The following PRKDC variants were observed in gnomAD, a reference collection of about 807,000 sequenced individuals.
PRKDC encodes protein kinase, DNA-activated, catalytic subunit.
A neutral mutation model predicts 486.9 loss-of-function variants in PRKDC; 82 were observed. The observed-to-expected ratio is 0.17, with a 90% CI of 0.14 to 0.20. The LOEUF is 0.20. Ranked by LOEUF, PRKDC falls within the 10% of genes least tolerant of loss-of-function variation. The pLI is 1.00. For missense variants in PRKDC, 4,504 were observed against 5,038.2 expected (o/e 0.89, Z 3.21); for synonymous variants, 1,895 against 1,837.0 (o/e 1.03, Z -0.81).
In PRKDC at chr8:47,904,979, G is replaced by A. The variant is rs1280900667; in HGVS notation, c.2935-3C>T. On this transcript the variant is annotated splice_region_variant and splice_polypyrimidine_tract_variant and intron_variant, in intron 25 of 85. Transcript: ENST00000314191. ...GGCTCATACAGTTGCCTTGTCACCTGAAGAAACAATACCATTAAAGTTAAT... is the reference window on the plus strand; with the variant it reads ...GGCTCATACAGTTGCCTTGTCACCTAAAGAAACAATACCATTAAAGTTAAT... The A allele has an allele frequency of 1.8e-5, 29 of 1,597,918 alleles. No homozygotes were observed. The highest frequency in any genetic ancestry group is 8.6e-6 in the Non-Finnish European group (10 of 1,166,280).
At position 47,862,536 on chromosome 8, in the gene PRKDC, C is replaced by G; in HGVS notation, c.5756G>C (p.Cys1919Ser). ...CATGTTCTCTGTAAATGCATCGTAG[C>G]ACAATCTGCAGAGAGATCCATGTGA... ...NELTKTLIKL[C>S]YDAFTENMAG... The change falls in exon 43 of 86, where the codon TGC (cysteine) becomes TCC (serine). Residue 1919 changes from cysteine (C) to serine (S), a missense_variant. Coordinates refer to ENST00000314191, the MANE Select transcript of PRKDC (RefSeq NM_006904.7). 1.2e-6 allele frequency: 2 copies of G among 1,604,946 alleles called. No individual in the cohort carries two copies. Among genetic ancestry groups the G allele is most frequent in the Non-Finnish European group, 1.7e-6 (2 of 1,174,488 alleles).
intron 68 of PRKDC, among the ~76,000 whole-genome samples, chr8:47,812,748 CAATT>C (rs1311741714): frequency 2.2e-4 from 33 of 152,002 alleles, no homozygotes; most frequent in Non-Finnish European, 3.7e-4. Context: ...TACTAGAAAT[CAATT>C]AAATAGAAAA....
intron 10 of PRKDC, 129 bp from the exon 11 acceptor site, chr8:47,939,826 C>T: frequency 1.3e-6 from 1 of 793,434 alleles, no homozygotes; most frequent in Non-Finnish European, 1.8e-6. Flanking sequence ...TGCTTTTAAT[C>T]ATAAAGACCC....
Position 47,831,161 on chromosome 8 carries a change from C to T in PRKDC, c.8266-425G>A, listed in dbSNP as rs8178187. On this transcript the variant is annotated intron_variant, in intron 60 of 85. Coordinates refer to ENST00000314191, the MANE Select transcript of PRKDC (RefSeq NM_006904.7). ...TCCCCTCCGAGGGGGCAAAACAGTG[C>T]CCCGGGGGCGCAGCCCGGGAGGCCT... 2.8e-3 allele frequency among the ~76,000 whole-genome samples: 422 copies of T among 152,252 alleles called. 2 individuals carry two copies. The highest frequency in any genetic ancestry group is 4.7e-3 in the Non-Finnish European group (320 of 68,020).
chr8:47,858,305 T>C (rs908729170), intron 48 of PRKDC, among the ~76,000 whole-genome samples: 1 of 152,130 alleles, frequency 6.6e-6, no homozygotes, highest in African/African-American at 2.4e-5. Context: ...TTTACATATG[T>C]TAAAAACGAT....
Position 47,821,769 on chromosome 8 carries a change from T to C in PRKDC, c.8946A>G (p.Val2982=), listed in dbSNP as rs1192222588. Residue 2982 remains valine, a synonymous_variant, in exon 65 of 86, where the codon GTA becomes GTG. Transcript: ENST00000314191. The part of the protein sequence containing the change: ...YDEALNKQDW[V]DGEPTEAEKD... ...TCTCGGCTTCTGTGGGCTCACCATC[T>C]ACCCAGTCTTGTTTATTGAGAGCCT... The C allele has an allele frequency of 6.4e-7, 1 of 1,573,116 alleles. No individual in the cohort carries two copies. Among genetic ancestry groups the C allele is most frequent in the Non-Finnish European group, 8.6e-7 (1 of 1,165,162 alleles).
intron 51 of PRKDC, among the ~76,000 whole-genome samples, chr8:47,853,317 G>A (rs867691700): frequency 1.3e-5 from 2 of 152,246 alleles, no homozygotes; most frequent in South Asian, 2.1e-4. Context: ...CTGCCGCGAA[G>A]CTGGCTGCCT....
chr8:47,896,564 G>A (rs991674331), intron 30 of PRKDC, among the ~76,000 whole-genome samples: 11 of 150,812 alleles, frequency 7.3e-5, no homozygotes, highest in African/African-American at 1.7e-4. Context: ...AGAGAACGGC[G>A]TGAACCCAGG....
intron 42 of PRKDC, among the ~76,000 whole-genome samples, chr8:47,862,915 C>G (rs907857355): frequency 6.6e-6 from 1 of 152,150 alleles, no homozygotes; most frequent in Non-Finnish European, 1.5e-5. Context: ...TTTGGTGATG[C>G]AAAATGTGAT....
intron 76 of PRKDC, among the ~76,000 whole-genome samples, chr8:47,787,747 G>A (rs1057001362): frequency 1.3e-5 from 2 of 152,154 alleles, no homozygotes; most frequent in African/African-American, 2.4e-5. Flanking sequence ...CCGACACAAC[G>A]TGCACACTGG....
At chr8:47,913,344 C>T (rs1048228261) in intron 24 of PRKDC, among the ~76,000 whole-genome samples, 21 of 152,092 alleles carry the variant, frequency 1.4e-4, no homozygotes, top group Admixed American at 6.6e-5. Context: ...CTCAAATGCC[C>T]TTTATGTTCC....
rs1413620528 is a variant in PRKDC at position 47,887,672 on chromosome 8, G to C, written c.4447C>G (p.Leu1483Val). The C allele has an allele frequency of 6.2e-7, 1 of 1,610,436 alleles. No individual in the cohort carries two copies. The highest frequency in any genetic ancestry group is 8.5e-7 in the Non-Finnish European group (1 of 1,178,450). The part of the protein sequence containing the change: ...TDLHHSVGTE[L>V]LSLVYKGIAP... ...ATGCCTTTATAAACCAGGGAAAGAAGTTCTGTGCCAACAGAATGATGCAAA... is the reference window on the plus strand; with the variant it reads ...ATGCCTTTATAAACCAGGGAAAGAACTTCTGTGCCAACAGAATGATGCAAA... The change falls in exon 35 of 86, where the codon CTT becomes GTT. Residue 1483 changes from leucine to valine, a missense_variant. This residue lies in a region of PRKDC where 1,969 missense variants were observed against 2,068.9 expected (regional missense o/e 0.95). Coordinates refer to ENST00000314191, the MANE Select transcript of PRKDC (RefSeq NM_006904.7).
In PRKDC at chr8:47,800,928, G is replaced by T. The variant is rs559743703; in HGVS notation, c.9981C>A (p.Asn3327Lys). 1.9e-6 allele frequency: 3 copies of T among 1,613,984 alleles called. No individual in the cohort carries two copies. The highest frequency in any genetic ancestry group is 2.5e-6 in the Non-Finnish European group (3 of 1,179,890). ...SKNILAFRDQNILLGTTYRII... is the reference protein window; with the variant it reads ...SKNILAFRDQKILLGTTYRII... ...TCCTGTAAGTTGTACCCAAGAGAAT[G>T]TTCTGGTCACGGAAAGCCAGAATAT... is the stretch of plus-strand genomic sequence containing the variant. Residue 3327 changes from asparagine to lysine, a missense_variant, in exon 71 of 86, where the codon AAC becomes AAA. Physicochemically the swap from Asn to Lys is moderately conservative, Grantham distance 94. This residue lies in a region of PRKDC where 1,592 missense variants were observed against 1,724.6 expected (regional missense o/e 0.92). Coordinates refer to ENST00000314191, the MANE Select transcript of PRKDC (RefSeq NM_006904.7).
At position 47,957,425 on chromosome 8, in the gene PRKDC, T is replaced by C; in HGVS notation, c.161A>G (p.Gln54Arg). 3 of 1,577,460 alleles carry C rather than the reference T, an allele frequency of 1.9e-6. No individual in the cohort carries two copies. Among genetic ancestry groups the C allele is most frequent in the Non-Finnish European group, 2.6e-6 (3 of 1,160,426 alleles). Residue 54 changes from glutamine (Q) to arginine (R), a missense_variant, in exon 2 of 86, where the codon CAG becomes CGG. Transcript: ENST00000314191. Reference protein sequence around the residue: ...LSSSPAVLALQTSLVFSRDFG... With the variant: ...LSSSPAVLALRTSLVFSRDFG... ...ATCTCTGGAAAAAACTAAAGATGTC[T>C]GTAATGCTGTTCAAAAAAATAAGTA...
chr8:47,891,769 G>A (rs574403777), intron 31 of PRKDC, among the ~76,000 whole-genome samples: 109 of 152,248 alleles, frequency 7.2e-4, no homozygotes, highest in African/African-American at 2.6e-3. Flanking sequence ...GAATCCAATA[G>A]AATATTGGAT....
chr8:47,848,653 G>GAAAAAAAAAA (rs200253108), intron 54 of PRKDC, among the ~76,000 whole-genome samples: 1 of 109,170 alleles, frequency 9.2e-6, no homozygotes. Flanking sequence ...TGAAAAAAAT[G>GAAAAAAAAAA]AAAAAAAAAA....
intron 41 of PRKDC, 74 bp downstream of exon 41, chr8:47,864,482 G>C: frequency 7.5e-7 from 1 of 1,328,770 alleles, no homozygotes; most frequent in South Asian, 1.4e-5. Context: ...ATGTGACTGA[G>C]CACACAGCAG....
intron 7 of PRKDC, 96 bp from the exon 8 acceptor site, chr8:47,944,125 C>T (rs2090490680): frequency 9.8e-7 from 1 of 1,019,598 alleles, no homozygotes; most frequent in South Asian, 1.5e-5. Context: ...CCCCATTAAT[C>T]TCTTGTGAAT....
At chr8:47,932,487 G>A (rs775413686) in intron 16 of PRKDC, among the ~76,000 whole-genome samples, 2 of 152,140 alleles carry the variant, frequency 1.3e-5, no homozygotes, top group Non-Finnish European at 2.9e-5. Flanking sequence ...AAAGTCCTGG[G>A]ATTACAGGTT....
Sources: allele counts gnomAD v4.1 joint callset (sites outside exome capture counted in the v4.1 genomes callset), GRCh38; gene constraint gnomAD v4.1.1; regional missense constraint gnomAD v4.1.1; transcripts MANE v1.5; gene names NCBI Gene and HGNC (gene_info 2026-07-23, HGNC 2026-07-21).